The following TBC1D31 variants were observed in gnomAD, a reference collection of about 807,000 sequenced individuals.
The protein encoded by TBC1D31 is TBC1 domain family member 31, also known as WD repeat domain 67.
TBC1D31 carries 99 observed loss-of-function variants against 132.9 expected under a neutral mutation model. The observed-to-expected ratio is 0.74, with a 90% CI of 0.63 to 0.88. TBC1D31 has a LOEUF of 0.88. Ranked by LOEUF, TBC1D31 falls within the 40% of genes least tolerant of loss-of-function variation. The probability of loss-of-function intolerance (pLI) is 0.00; values close to 1 mark genes in which losing one functional copy is unlikely to be tolerated. For synonymous variants in TBC1D31, 385 were observed against 419.4 expected, an observed-to-expected ratio of 0.92 and a Z score of 1.00; for missense variants, 1,134 against 1,256.6, an observed-to-expected ratio of 0.90 and a Z score of 1.48.
intron 13 of TBC1D31, 52 bp from the exon 14 acceptor site, chr8:123,128,229 C>T (rs1307237643): frequency 1.1e-6 from 1 of 906,452 alleles, no homozygotes; most frequent in Non-Finnish European, 1.8e-6. Flanking sequence ...AATTCTACCT[C>T]ATAATTGCTT....
intron 19 of TBC1D31, among the ~76,000 whole-genome samples, chr8:123,142,703 A>G (rs917101224): frequency 6.6e-6 from 1 of 151,844 alleles, no homozygotes; most frequent in African/African-American, 2.4e-5. Flanking sequence ...TTTTTGCTGG[A>G]AAAGATAATC....
At chr8:123,077,303 T>C (rs766174499) in intron 2 of TBC1D31, 46 bp downstream of exon 2, 1 of 1,526,710 alleles carries the variant, frequency 6.6e-7, no homozygotes, top group South Asian at 1.2e-5. Flanking sequence ...AAGTTATTAA[T>C]TCACTGACTG....
chr8:123,139,147 A>G (rs1314291132), intron 17 of TBC1D31, among the ~76,000 whole-genome samples: 2 of 145,374 alleles, frequency 1.4e-5, no homozygotes, highest in African/African-American at 5.1e-5. Flanking sequence ...CAGTCATGTG[A>G]TTTTTTGTTG....
At chr8:123,096,950 A>C (rs1816892537) in intron 5 of TBC1D31, among the ~76,000 whole-genome samples, 1 of 152,248 alleles carries the variant, frequency 6.6e-6, no homozygotes, top group Non-Finnish European at 1.5e-5. Flanking sequence ...TTATGCTATA[A>C]AATATAAGTG....
chr8:123,126,594 CA>C lies in TBC1D31; in HGVS notation c.1793del (p.Asn598ThrfsTer7), dbSNP rs1563733288. On this transcript the variant is annotated frameshift_variant, in exon 13 of 22. Coordinates refer to ENST00000287380, the MANE Select transcript of TBC1D31 (RefSeq NM_145647.4). LOFTEE classifies it high-confidence loss of function. Reference sequence around the variant, plus strand: ...TGAAATTGTTCGATAATATCTTTTCCAACCATCCTTCCTTCCTTCTGATGAC... The same window carrying C: ...TGAAATTGTTCGATAATATCTTTTCCACCATCCTTCCTTCCTTCTGATGAC... ...WLKLFDNIFS[N>X]HPSFLLMTVV... 3 of 1,613,828 alleles carry C rather than the reference CA, an allele frequency of 1.9e-6. No homozygotes were observed. The highest frequency in any genetic ancestry group is 1.7e-6 in the Non-Finnish European group (2 of 1,179,916).
In TBC1D31 at chr8:123,142,449, C is replaced by A; in HGVS notation, c.2828C>A (p.Ala943Asp). ...ATAAATGCAATGGTGGAGGAGGAAG[C>A]CAAGAAGGTAAAAAATAGTGTTATA... The part of the protein sequence containing the change: ...EIINAMVEEE[A>D]KKWKEAEGKE... The change falls in exon 19 of 22, where the codon GCC (alanine) becomes GAC (aspartate). Residue 943 changes from alanine to aspartate, a missense_variant. Ala to Asp is a moderately radical substitution (Grantham distance 126). Coordinates refer to ENST00000287380, the MANE Select transcript of TBC1D31 (RefSeq NM_145647.4). The A allele has an allele frequency of 7.1e-6, 11 of 1,543,024 alleles. No homozygotes were observed. The highest frequency in any genetic ancestry group is 8.7e-6 in the Non-Finnish European group (10 of 1,149,886).
chr8:123,157,401 G>C, the TBC1D31 span, among the ~76,000 whole-genome samples: 1 of 152,106 alleles, frequency 6.6e-6, no homozygotes, highest in Non-Finnish European at 1.5e-5. Flanking sequence ...ATCCCGTCCA[G>C]AATACTCGGA....
At chr8:123,104,464 C>T (rs188178599) in intron 7 of TBC1D31, among the ~76,000 whole-genome samples, 99 of 152,258 alleles carry the variant, frequency 6.5e-4, no homozygotes, top group Admixed American at 3.2e-3. Context: ...AGTCAGACCA[C>T]TATTAATCCC....
the TBC1D31 span, among the ~76,000 whole-genome samples, chr8:123,157,316 T>G: frequency 6.6e-6 from 1 of 152,150 alleles, no homozygotes; most frequent in Non-Finnish European, 1.5e-5. Flanking sequence ...TAGTAAGGGT[T>G]TCCGGACGGA....
At chr8:123,074,443 T>C (rs2130580859) in intron 1 of TBC1D31, among the ~76,000 whole-genome samples, 1 of 152,326 alleles carries the variant, frequency 6.6e-6, no homozygotes, top group East Asian at 1.9e-4. Context: ...CTCAACTACA[T>C]TGAATAAAAA....
At position 123,119,097 on chromosome 8, in the gene TBC1D31, G is replaced by A. The variant is rs143105766; in HGVS notation, c.1437-958G>A. Among the ~76,000 whole-genome samples the A allele has an allele frequency of 6.6e-4, 100 of 152,248 alleles. No homozygotes were observed. In the East Asian group the frequency reaches 8.7e-3, roughly 13 times the overall value. ...AAAGAGTAATGCCAATTGGAACTAC[G>A]TTGAAGTACCATTTCTCACCTAGAT... On this transcript the variant is annotated intron_variant, in intron 10 of 21. Transcript: ENST00000287380.
At chr8:123,112,494 C>T (rs924214287) in intron 10 of TBC1D31, among the ~76,000 whole-genome samples, 1 of 152,144 alleles carries the variant, frequency 6.6e-6, no homozygotes, top group Non-Finnish European at 1.5e-5. Flanking sequence ...TATACTATTA[C>T]ACTTTTCTGT....
At chr8:123,128,972 T>C in intron 14 of TBC1D31, 94 bp from the exon 15 acceptor site, 1 of 818,412 alleles carries the variant, frequency 1.2e-6, no homozygotes, top group South Asian at 3.2e-5. Context: ...CATATGGAAA[T>C]AAAATAGATT....
At chr8:123,142,005 C>T (rs1029692801) in intron 18 of TBC1D31, among the ~76,000 whole-genome samples, 3 of 151,830 alleles carry the variant, frequency 2.0e-5, no homozygotes, top group Admixed American at 6.6e-5. Context: ...TGACTACAGG[C>T]GCGCGCTGCC....
intron 1 of TBC1D31, among the ~76,000 whole-genome samples, chr8:123,076,338 ATGTGTG>A (rs71310650): frequency 0.27 from 40,365 of 149,330 alleles, 5,610 homozygotes; most frequent in Non-Finnish European, 0.31. Flanking sequence ...AATTGTGTGT[ATGTGTG>A]TGTGTGTGTG....
At position 123,151,853 on chromosome 8, in the gene TBC1D31, CTTA is replaced by C. The variant is rs749746046; in HGVS notation, c.3119_3121del (p.Ile1040del). The C allele has an allele frequency of 6.3e-6, 10 of 1,590,676 alleles. No individual in the cohort carries two copies. The East Asian group carries it at 6.8e-5, about 11-fold the overall frequency. On this transcript the variant is annotated inframe_deletion, in exon 22 of 22. Coordinates refer to ENST00000287380, the MANE Select transcript of TBC1D31 (RefSeq NM_145647.4). ...AGAATGGGACACCACGGGACAGAAT[CTTA>C]TTAAGAAAGTGAGAAATCTTCGCCA...
chr8:123,144,744 C>G lies in TBC1D31; in HGVS notation c.2863C>G (p.Arg955Gly). The G allele has an allele frequency of 1.2e-6, 2 of 1,606,738 alleles. No homozygotes were observed. The highest frequency in any genetic ancestry group is 1.7e-4 in the Middle Eastern group (1 of 6,012). The change falls in exon 20 of 22, where the codon CGT becomes GGT. Residue 955 changes from arginine (R) to glycine (G), a missense_variant. Transcript: ENST00000287380. ...KWKEAEGKEF[R>G]LRSAKKASAL... The stretch of plus-strand genomic sequence containing the variant: ...GAAGGAAGCTGAAGGAAAAGAGTTC[C>G]GTTTGAGATCAGCAAAGAAAGCTTC...
intron 10 of TBC1D31, among the ~76,000 whole-genome samples, chr8:123,119,364 G>A (rs528048356): frequency 6.6e-6 from 1 of 152,314 alleles, no homozygotes; most frequent in African/African-American, 2.4e-5. Flanking sequence ...ATTAAGCACA[G>A]CATTGCTTAT....
intron 5 of TBC1D31, 131 bp downstream of exon 5, chr8:123,093,873 T>G (rs1816593385): frequency 5.2e-6 from 3 of 574,998 alleles, no homozygotes; most frequent in Non-Finnish European, 8.1e-6. Flanking sequence ...AATTTAGATA[T>G]GATCTGCTAA....
Sources: gnomAD v4.1 joint callset for allele counts (sites outside exome capture counted in the v4.1 genomes callset) on GRCh38, gnomAD v4.1.1 for gene constraint, MANE v1.5 for transcripts, NCBI Gene and HGNC (gene_info 2026-07-23, HGNC 2026-07-21) for gene names.